NCALD: variants seen among roughly 807,000 people sequenced by gnomAD.
NCALD encodes the protein neurocalcin delta.
NCALD carries 10 observed loss-of-function variants against 18.6 expected under a neutral mutation model. The ratio of observed to expected loss-of-function variants is 0.54; its 90% CI spans 0.33 to 0.91. The LOEUF (loss-of-function observed/expected upper bound fraction) is 0.91, where lower values mean the gene tolerates loss of function less well. Ranked by LOEUF, NCALD falls within the 40% of genes least tolerant of loss-of-function variation. NCALD has a pLI of 0.03. For missense variants in NCALD, 184 were observed against 247.6 expected (o/e 0.74, Z 1.72); for synonymous variants, 88 against 87.4 (o/e 1.01, Z -0.04).
intron 4 of NCALD, among the ~76,000 whole-genome samples, chr8:101,856,519 C>T (rs143770818): frequency 5.3e-5 from 8 of 151,588 alleles, no homozygotes; most frequent in East Asian, 1.9e-4. Context: ...CATGGCCTTA[C>T]GTGTAAGATT....
chr8:101,870,049 T>C (rs1004559303), intron 4 of NCALD, among the ~76,000 whole-genome samples: 3 of 152,130 alleles, frequency 2.0e-5, no homozygotes, highest in African/African-American at 7.2e-5. Flanking sequence ...AGTTTGAAAA[T>C]TGAGGAAATT....
intron 2 of NCALD, among the ~76,000 whole-genome samples, chr8:101,947,323 G>C (rs1262506924): frequency 3.3e-5 from 5 of 152,112 alleles, no homozygotes; most frequent in Non-Finnish European, 7.4e-5. Flanking sequence ...CCAAAGCTTT[G>C]GCAGAAAAAT....
intron 4 of NCALD, among the ~76,000 whole-genome samples, chr8:101,877,342 C>T (rs1361851221): frequency 6.6e-6 from 1 of 152,074 alleles, no homozygotes; most frequent in African/African-American, 2.4e-5. Context: ...ACTTCTTGTA[C>T]CTCTCCCCAG....
intron 1 of NCALD, among the ~76,000 whole-genome samples, chr8:101,760,217 A>T (rs1018258312): frequency 6.6e-6 from 1 of 151,452 alleles, no homozygotes; most frequent in Non-Finnish European, 1.5e-5. Context: ...TGAATTTTCC[A>T]CTCCTCCCAC....
At chr8:102,069,560 A>G (rs911755500) in intron 1 of NCALD, among the ~76,000 whole-genome samples, 3 of 152,238 alleles carry the variant, frequency 2.0e-5, no homozygotes, top group African/African-American at 4.8e-5. Flanking sequence ...ATAAATGCTC[A>G]ATATTTATGT....
At chr8:101,727,546 T>G (rs1816626871) in intron 1 of NCALD, among the ~76,000 whole-genome samples, 1 of 152,202 alleles carries the variant, frequency 6.6e-6, no homozygotes, top group African/African-American at 2.4e-5. Context: ...AAGATTGTGG[T>G]GCACTAGCAT....
intron 4 of NCALD, among the ~76,000 whole-genome samples, chr8:101,804,140 A>G (rs899864655): frequency 1.3e-5 from 2 of 151,888 alleles, no homozygotes; most frequent in African/African-American, 2.4e-5. Flanking sequence ...ATTTTTAGAA[A>G]ATAATTTTTT....
In NCALD at chr8:101,800,485, T is replaced by C. The variant is rs140047861; in HGVS notation, c.-19-80837A>G. On this transcript the variant is annotated intron_variant, in intron 4 of 6. Coordinates refer to the NCALD transcript ENST00000311028. ...AGGAAAAAAGAGCAATAAATAATAA[T>C]AGAAAGAAATGGTAAGATTAAAGAT... Among the ~76,000 whole-genome samples the C allele has an allele frequency of 7.4e-3, 1,128 of 151,714 alleles. 14 individuals carry two copies. The highest frequency in any genetic ancestry group is 0.024 in the African/African-American group (988 of 41,400).
chr8:102,065,230 G>A (rs1037883993), intron 1 of NCALD, among the ~76,000 whole-genome samples: 3 of 151,634 alleles, frequency 2.0e-5, no homozygotes, highest in Non-Finnish European at 4.4e-5. Context: ...CACATTACTT[G>A]GTCCTGATGT....
At chr8:101,991,877 G>T (rs1821061858) in intron 2 of NCALD, among the ~76,000 whole-genome samples, 1 of 152,168 alleles carries the variant, frequency 6.6e-6, no homozygotes, top group African/African-American at 2.4e-5. Flanking sequence ...TTTTGAAGAG[G>T]ATGGTCCTCT....
At chr8:102,053,787 T>TG (rs1472178865) in intron 1 of NCALD, among the ~76,000 whole-genome samples, 1 of 152,226 alleles carries the variant, frequency 6.6e-6, no homozygotes, top group Admixed American at 6.5e-5. Flanking sequence ...TTAAGGACTC[T>TG]GAGTCTTAAA....
chr8:102,108,439 G>A (rs978001863), intron 1 of NCALD, among the ~76,000 whole-genome samples: 1 of 152,106 alleles, frequency 6.6e-6, no homozygotes, highest in Non-Finnish European at 1.5e-5. Flanking sequence ...AATATGCATC[G>A]GTCAAGTCCT....
intron 2 of NCALD, among the ~76,000 whole-genome samples, chr8:101,701,650 G>A (rs1815272965): frequency 6.6e-6 from 1 of 152,224 alleles, no homozygotes; most frequent in Non-Finnish European, 1.5e-5. Context: ...GATCAAGGTT[G>A]TGCAATTAAC....
At chr8:102,101,653 G>A (rs1271357347) in intron 1 of NCALD, among the ~76,000 whole-genome samples, 1 of 152,208 alleles carries the variant, frequency 6.6e-6, no homozygotes, top group Non-Finnish European at 1.5e-5. Context: ...GCTAAAATGA[G>A]AGCCTTTGGA....
chr8:101,927,793 C>T (rs1818393340), intron 2 of NCALD, among the ~76,000 whole-genome samples: 2 of 152,118 alleles, frequency 1.3e-5, no homozygotes, highest in African/African-American at 4.8e-5. Flanking sequence ...GGTGGGGCAT[C>T]CAATCCCAGA....
chr8:101,801,867 C>T (rs1812879150), intron 4 of NCALD, among the ~76,000 whole-genome samples: 1 of 151,674 alleles, frequency 6.6e-6, no homozygotes, highest in African/African-American at 2.4e-5. Context: ...GGGGTTTCAC[C>T]CTGTTAGCCA....
chr8:102,121,243 G>C (rs772153859), intron 1 of NCALD, among the ~76,000 whole-genome samples: 1 of 152,008 alleles, frequency 6.6e-6, no homozygotes, highest in Non-Finnish European at 1.5e-5. Flanking sequence ...TGTTTACAAC[G>C]CTTTAAAAAT....
chr8:101,992,853 G>T, intron 2 of NCALD, among the ~76,000 whole-genome samples: 1 of 151,758 alleles, frequency 6.6e-6, no homozygotes, highest in Non-Finnish European at 1.5e-5. Context: ...CTTACTATGT[G>T]CTGAGCAATG....
At chr8:101,702,606 C>G (rs952304871) in intron 2 of NCALD, among the ~76,000 whole-genome samples, 1 of 152,202 alleles carries the variant, frequency 6.6e-6, no homozygotes, top group Non-Finnish European at 1.5e-5. Flanking sequence ...GGGGAGCTTA[C>G]TATTTAGAAT....
Sources: allele counts gnomAD v4.1 joint callset (sites outside exome capture counted in the v4.1 genomes callset), GRCh38; gene constraint gnomAD v4.1.1; transcripts MANE v1.5; gene names NCBI Gene and HGNC (gene_info 2026-07-23, HGNC 2026-07-21).